The following RNF19A variants were observed in gnomAD, a reference collection of about 807,000 sequenced individuals.
RNF19A encodes ring finger protein 19A, RBR E3 ubiquitin protein ligase.
RNF19A carries 32 observed loss-of-function variants against 75.7 expected under a neutral mutation model. That is an observed-to-expected ratio of 0.42 (90% CI 0.32 to 0.57). The LOEUF (loss-of-function observed/expected upper bound fraction) is 0.57, where lower values mean the gene tolerates loss of function less well. Among genes scored for constraint, RNF19A ranks in the 20% least tolerant of loss-of-function variants. RNF19A has a pLI of 0.10. For missense variants in RNF19A, 782 were observed against 1,036.3 expected (o/e 0.75, Z 3.37); for synonymous variants, 335 against 345.2 (o/e 0.97, Z 0.33).
rs1287083586 is a variant in RNF19A at position 100,287,941 on chromosome 8, T to G, written c.234A>C (p.Lys78Asn). The part of the protein sequence containing the change: ...GSLFRRKKDN[K>N]RKSRELNGGV... ...CGCCATTTAGCTCCCTTGATTTACG[T>G]TTGTTATCTTTTTTCCTCCGAAACA... Residue 78 changes from lysine (K) to asparagine (N), a missense_variant, in exon 2 of 10, where the codon AAA becomes AAC. Physicochemically the swap from Lys to Asn is moderately conservative, Grantham distance 94. Around this residue, in one of 7 missense-constraint regions of RNF19A, gnomAD observed 148 missense variants for 147.9 expected, o/e 1.00. Coordinates refer to ENST00000341084, the MANE Select transcript of RNF19A (RefSeq NM_183419.4). This position sits in a 1 kb window ranked among gnomAD's most constrained non-coding sequence, Gnocchi z 4.1. The G allele has an allele frequency of 5.6e-6, 9 of 1,614,176 alleles. No individual in the cohort carries two copies. Among genetic ancestry groups the G allele is most frequent in the Middle Eastern group, 1.6e-4 (1 of 6,062 alleles).
chr8:100,268,825 G>A lies in RNF19A; in HGVS notation c.1151C>T (p.Pro384Leu). 1 of 1,592,212 alleles carries A rather than the reference G, an allele frequency of 6.3e-7. No individual in the cohort carries two copies. Among genetic ancestry groups the A allele is most frequent in the Non-Finnish European group, 8.6e-7 (1 of 1,167,130 alleles). The change falls in exon 5 of 10, where the codon CCT becomes CTT. Residue 384 changes from proline to leucine, a missense_variant. Around this residue, in one of 7 missense-constraint regions of RNF19A, gnomAD observed 41 missense variants for 75.9 expected, o/e 0.54. Coordinates refer to ENST00000341084, the MANE Select transcript of RNF19A (RefSeq NM_183419.4). ...GIALIAGIAIPAMIIGIPVYV... is the reference protein window; with the variant it reads ...GIALIAGIAILAMIIGIPVYV... ...CACAGGAATGCCAATAATCATTGCA[G>A]GAATAGCAATGCCAGCTATTAAAGC... is the stretch of plus-strand genomic sequence containing the variant.
chr8:100,278,727 C>CG (rs1820640233), intron 2 of RNF19A, among the ~76,000 whole-genome samples: 1 of 152,026 alleles, frequency 6.6e-6, no homozygotes. Context: ...CATAGCACTA[C>CG]ACTAACTTTA....
At chr8:100,267,042 A>G (rs538362105) in intron 5 of RNF19A, among the ~76,000 whole-genome samples, 7 of 152,322 alleles carry the variant, frequency 4.6e-5, no homozygotes, top group African/African-American at 1.7e-4. Context: ...AAAGGAAACA[A>G]AAGGAAACAG....
intron 3 of RNF19A, 131 bp from the exon 4 acceptor site, chr8:100,270,144 G>C (rs940674629): frequency 3.2e-6 from 2 of 625,574 alleles, no homozygotes; most frequent in Admixed American, 7.3e-5. Context: ...TCAGCCTGCT[G>C]TTTTTAGTAT....
intron 1 of RNF19A, among the ~76,000 whole-genome samples, chr8:100,295,840 A>G (rs1821529399): frequency 6.6e-6 from 1 of 152,242 alleles, no homozygotes; most frequent in Non-Finnish European, 1.5e-5. Flanking sequence ...GCATTAAACT[A>G]GATTATCATA....
chr8:100,293,852 A>G (rs1459780094), intron 1 of RNF19A, among the ~76,000 whole-genome samples: 2 of 152,138 alleles, frequency 1.3e-5, no homozygotes, highest in African/African-American at 4.8e-5. Context: ...AATTTAATCA[A>G]CTTTTTCTTC....
chr8:100,298,058 A>G (rs1286891792), intron 1 of RNF19A, among the ~76,000 whole-genome samples: 1 of 152,170 alleles, frequency 6.6e-6, no homozygotes, highest in Non-Finnish European at 1.5e-5. Context: ...CCTACAGTCC[A>G]TAGATTATAA....
intron 1 of RNF19A, 104 bp from the exon 2 acceptor site, chr8:100,288,371 G>A: frequency 1.3e-6 from 1 of 741,394 alleles, no homozygotes; most frequent in South Asian, 4.1e-5. Context: ...TTAACCATTA[G>A]TAGTAGTTGT....
chr8:100,263,972 TG>T, intron 7 of RNF19A, 61 bp downstream of exon 7: 1 of 1,394,256 alleles, frequency 7.2e-7, no homozygotes, highest in Non-Finnish European at 9.9e-7. Context: ...ATGTTATCTC[TG>T]GCCTCCCCAC....
At chr8:100,315,926 A>G (rs1257040110) in intron 1 of RNF19A, among the ~76,000 whole-genome samples, 1 of 152,194 alleles carries the variant, frequency 6.6e-6, no homozygotes, top group African/African-American at 2.4e-5. Context: ...TTCATATCAC[A>G]TGTTTGAGAA....
At chr8:100,301,468 C>T (rs1171514404) in intron 1 of RNF19A, among the ~76,000 whole-genome samples, 1 of 152,182 alleles carries the variant, frequency 6.6e-6, no homozygotes, top group Non-Finnish European at 1.5e-5. Flanking sequence ...CACAGTGCAA[C>T]CTCAGTTTCT....
intron 1 of RNF19A, chr8:100,309,332 C>T: frequency 1.0e-6 from 1 of 985,800 alleles, no homozygotes; most frequent in Non-Finnish European, 1.2e-6. Flanking sequence ...CCTAAGGCCC[C>T]AGGCAGCACG....
Position 100,325,067 on chromosome 8 carries a change from C to T in RNF19A, c.-243+11041G>A, listed in dbSNP as rs1357938662. On this transcript the variant is annotated intron_variant, in intron 1 of 3. Coordinates refer to the RNF19A transcript ENST00000519527. This position sits in a 1 kb window ranked among gnomAD's most constrained non-coding sequence, Gnocchi z 4.3. ...AATTACAGGTGCCTACCACCACAACCGGCTAATTTTTTGTATTTTTAGTAG... is the reference window on the plus strand; with the variant it reads ...AATTACAGGTGCCTACCACCACAACTGGCTAATTTTTTGTATTTTTAGTAG... Among the ~76,000 whole-genome samples the T allele has an allele frequency of 1.3e-5, 2 of 152,016 alleles. No homozygotes were observed. The highest frequency in any genetic ancestry group is 2.9e-5 in the Non-Finnish European group (2 of 68,016).
rs909664726 is a variant in RNF19A, at chr8:100,329,881, T to C, written c.-243+6227A>G. On this transcript the variant is annotated intron_variant, in intron 1 of 3. Coordinates refer to the RNF19A transcript ENST00000519527. This position sits in a 1 kb window ranked among gnomAD's most constrained non-coding sequence, Gnocchi z 4.3. ...CCCACATGACAATAAAATTAAATAT[T>C]TTCTCATGTATCCCATACATTTGCA... 6.6e-6 allele frequency among the ~76,000 whole-genome samples: 1 copy of C among 152,210 alleles called. No homozygotes were observed. The highest frequency in any genetic ancestry group is 6.5e-5 in the Admixed American group (1 of 15,278).
In RNF19A at chr8:100,292,883, T is replaced by C. The variant is rs570702411; in HGVS notation, c.-93-4616A>G. 6.9e-4 allele frequency among the ~76,000 whole-genome samples: 105 copies of C among 152,320 alleles called. 1 individual carries two copies. The highest frequency in any genetic ancestry group is 1.1e-3 in the Non-Finnish European group (72 of 68,040). Reference sequence around the variant, plus strand: ...AGGATGAAACCTAATTGTTACATATTTACTTTCTGGTACTTTTCAATCTTT... The same window carrying C: ...AGGATGAAACCTAATTGTTACATATCTACTTTCTGGTACTTTTCAATCTTT... On this transcript the variant is annotated intron_variant, in intron 1 of 9. Transcript: ENST00000341084.
chr8:100,301,346 T>A lies in RNF19A; in HGVS notation c.-94+8521A>T, dbSNP rs550242287. Among the ~76,000 whole-genome samples the A allele has an allele frequency of 4.6e-5, 7 of 152,318 alleles. No individual in the cohort carries two copies. In the East Asian group the frequency reaches 1.2e-3, roughly 25 times the overall value. ...CTAGACTAGGCCTTCATTAATCACCTGGTATCCAAATTACCACATTATCCT... is the reference window on the plus strand; with the variant it reads ...CTAGACTAGGCCTTCATTAATCACCAGGTATCCAAATTACCACATTATCCT... On this transcript the variant is annotated intron_variant, in intron 1 of 9. Coordinates refer to ENST00000341084, the MANE Select transcript of RNF19A (RefSeq NM_183419.4).
rs548761873 is a variant in RNF19A, at chr8:100,282,570, C to T, written c.674+4931G>A. Among the ~76,000 whole-genome samples, 5 of 152,290 alleles carry T rather than the reference C, an allele frequency of 3.3e-5. No individual in the cohort carries two copies. In the South Asian group the frequency reaches 1.0e-3, roughly 32 times the overall value. ...ACAATTTATCACTAGTCATGAATTACAACTTCCCCTGAAATGTAGTTTATT... is the reference window on the plus strand; with the variant it reads ...ACAATTTATCACTAGTCATGAATTATAACTTCCCCTGAAATGTAGTTTATT... On this transcript the variant is annotated intron_variant, in intron 2 of 9. Transcript: ENST00000341084.
intron 1 of RNF19A, among the ~76,000 whole-genome samples, chr8:100,290,047 CAGAG>C (rs905774097): frequency 6.6e-6 from 1 of 152,084 alleles, no homozygotes; most frequent in African/African-American, 2.4e-5. Context: ...AAGTTCCAAA[CAGAG>C]AGAATTAATG....
At chr8:100,292,520 A>G (rs1821356746) in intron 1 of RNF19A, among the ~76,000 whole-genome samples, 1 of 151,928 alleles carries the variant, frequency 6.6e-6, no homozygotes, top group Non-Finnish European at 1.5e-5. Context: ...TAGAAATTTC[A>G]AAAGTTTTTA....
Sources: allele counts gnomAD v4.1 joint callset (sites outside exome capture counted in the v4.1 genomes callset), GRCh38; gene constraint gnomAD v4.1.1; regional missense constraint gnomAD v4.1.1; non-coding constraint Gnocchi (gnomAD v3.1); transcripts MANE v1.5; gene names NCBI Gene and HGNC (gene_info 2026-07-23, HGNC 2026-07-21).